Variants in TMEM232 observed in about 807,000 individuals in gnomAD.
TMEM232 encodes transmembrane protein 232.
In TMEM232, 80 loss-of-function variants were observed where a neutral mutation model predicts 78.8. That is an observed-to-expected ratio of 1.01 (90% CI 0.85 to 1.22). The LOEUF is 1.22. Ranked by LOEUF, TMEM232 falls within the 50% of genes most tolerant of loss-of-function variation. The pLI, the probability that TMEM232 is intolerant of heterozygous loss-of-function variation, is 0.00. For missense variants in TMEM232, 881 were observed against 742.2 expected, an observed-to-expected ratio of 1.19 and a Z score of -2.17; for synonymous variants, 297 against 254.3, an observed-to-expected ratio of 1.17 and a Z score of -1.60.
chr5:110,391,633 T>C (rs184587760), intron 3 of TMEM232, among the ~76,000 whole-genome samples: 75 of 152,240 alleles, frequency 4.9e-4, no homozygotes, highest in Non-Finnish European at 9.1e-4. Flanking sequence ...GGATGGAAAG[T>C]TGTAGTTATG....
intron 10 of TMEM232, among the ~76,000 whole-genome samples, chr5:110,592,943 G>C (rs189641749): frequency 5.3e-5 from 8 of 152,272 alleles, no homozygotes; most frequent in Non-Finnish European, 1.2e-4. Flanking sequence ...CAACTTTGAT[G>C]AAACTGTTGC....
chr5:110,706,807 A>G (rs971523329), intron 1 of TMEM232, among the ~76,000 whole-genome samples: 3 of 152,182 alleles, frequency 2.0e-5, no homozygotes, highest in African/African-American at 7.2e-5. Context: ...AGCATAGGAT[A>G]AGAGCCTTTT....
chr5:110,683,727 A>G (rs185006214), intron 1 of TMEM232, among the ~76,000 whole-genome samples: 1 of 152,046 alleles, frequency 6.6e-6, no homozygotes, highest in Non-Finnish European at 1.5e-5. Flanking sequence ...AAGGTTATAG[A>G]ATCTGTGGCA....
intron 5 of TMEM232, among the ~76,000 whole-genome samples, chr5:110,633,611 T>C (rs1785435752): frequency 6.6e-6 from 1 of 152,128 alleles, no homozygotes; most frequent in Non-Finnish European, 1.5e-5. Flanking sequence ...CTTTGGAAGT[T>C]CACCCTTTGC....
chr5:110,647,920 T>A (rs1407339866), intron 2 of TMEM232, among the ~76,000 whole-genome samples: 1 of 152,000 alleles, frequency 6.6e-6, no homozygotes, highest in African/African-American at 2.4e-5. Flanking sequence ...ATAAATACAT[T>A]TATACATATC....
intron 11 of TMEM232, among the ~76,000 whole-genome samples, chr5:110,548,649 A>C (rs1774079093): frequency 1.3e-5 from 2 of 151,958 alleles, no homozygotes; most frequent in Non-Finnish European, 2.9e-5. Context: ...AAATAACAAA[A>C]CATAGAAATA....
At chr5:110,470,497 C>T (rs1354692781) in intron 12 of TMEM232, among the ~76,000 whole-genome samples, 1 of 152,142 alleles carries the variant, frequency 6.6e-6, no homozygotes, top group Non-Finnish European at 1.5e-5. Context: ...AAGTCAGACA[C>T]AGCACCAAGG....
At chr5:110,716,772 T>C (rs151318620) in intron 1 of TMEM232, among the ~76,000 whole-genome samples, 8 of 152,274 alleles carry the variant, frequency 5.3e-5, no homozygotes, top group African/African-American at 1.4e-4. Context: ...AACTAAACCT[T>C]AGTCCTAAAC....
chr5:110,650,180 A>C (rs150874332), intron 2 of TMEM232, among the ~76,000 whole-genome samples: 1,988 of 152,028 alleles, frequency 0.013, 37 homozygotes, highest in African/African-American at 0.045. Flanking sequence ...TCATAAATTA[A>C]AATTTTATAT....
At chr5:110,416,864 T>C (rs559475628), downstream of TMEM232, among the ~76,000 whole-genome samples, 1 of 152,204 alleles carries the variant, frequency 6.6e-6, no homozygotes, top group African/African-American at 2.4e-5. Context: ...TTTTATTCCT[T>C]AAATGTCTAT....
At chr5:110,679,637 A>G (rs406591) in intron 1 of TMEM232, among the ~76,000 whole-genome samples, 117,480 of 151,958 alleles carry the variant, frequency 0.77, 47,529 homozygotes, top group South Asian at 0.91. Context: ...ATAGATTTTT[A>G]ACATATGAAA....
chr5:110,559,148 GA>G (rs1482311416), intron 11 of TMEM232, among the ~76,000 whole-genome samples: 2 of 151,776 alleles, frequency 1.3e-5, no homozygotes, highest in African/African-American at 2.4e-5. Flanking sequence ...TAATCACAAA[GA>G]AAAAAATATA....
intron 12 of TMEM232, among the ~76,000 whole-genome samples, chr5:110,465,882 C>G (rs992412134): frequency 1.3e-5 from 2 of 152,082 alleles, no homozygotes; most frequent in African/African-American, 4.8e-5. Context: ...ATCTACCATG[C>G]ATGAGCTTCT....
At chr5:110,532,541 T>A (rs1339409630) in intron 11 of TMEM232, among the ~76,000 whole-genome samples, 2 of 151,988 alleles carry the variant, frequency 1.3e-5, no homozygotes, top group Non-Finnish European at 1.5e-5. Context: ...TGGTGCCAAC[T>A]TACACAATAC....
Position 110,467,660 on chromosome 5 carries a change from A to AAAGAT in TMEM232, c.1704-42749_1704-42745dup, listed in dbSNP as rs1404674220. 2.0e-5 allele frequency among the ~76,000 whole-genome samples: 3 copies of AAAGAT among 152,364 alleles called. No homozygotes were observed. The East Asian group carries it at 5.8e-4, about 29-fold the overall frequency. ...CATCATATTAAGACTACTGAAAGTG[A>AAAGAT]AAGATAAAAATATTCAAATAATATT... On this transcript the variant is annotated intron_variant, in intron 12 of 13. Coordinates refer to ENST00000455884, the MANE Select transcript of TMEM232 (RefSeq NM_001039763.4).
chr5:110,397,360 A>G (rs1290577049), intron 3 of TMEM232, among the ~76,000 whole-genome samples: 6 of 152,228 alleles, frequency 3.9e-5, no homozygotes, highest in Non-Finnish European at 8.8e-5. Flanking sequence ...GAGGGATTTA[A>G]TAGAGAATGA....
At chr5:110,669,075 A>G (rs1038043761) in intron 1 of TMEM232, among the ~76,000 whole-genome samples, 193 of 152,314 alleles carry the variant, frequency 1.3e-3, no homozygotes, top group Non-Finnish European at 2.1e-3. Flanking sequence ...AGAACTAGAG[A>G]AGCAAGAGCA....
intron 12 of TMEM232, among the ~76,000 whole-genome samples, chr5:110,461,627 T>G (rs1761540238): frequency 6.6e-6 from 1 of 152,158 alleles, no homozygotes; most frequent in South Asian, 2.1e-4. Flanking sequence ...ATCTTGGACT[T>G]TCATAGCTGG....
chr5:110,587,663 G>GTATATATATATATA (rs377139293), intron 10 of TMEM232, among the ~76,000 whole-genome samples: 7 of 96,280 alleles, frequency 7.3e-5, no homozygotes, highest in African/African-American at 2.4e-4. Flanking sequence ...GTACATGTAT[G>GTATATATATATATA]TATATATATA....
Sources: allele counts gnomAD v4.1 joint callset (sites outside exome capture counted in the v4.1 genomes callset), GRCh38; gene constraint gnomAD v4.1.1; transcripts MANE v1.5; gene names NCBI Gene and HGNC (gene_info 2026-07-23, HGNC 2026-07-21).